Variants in ROCK1 observed in about 807,000 individuals in gnomAD.
ROCK1 encodes the protein rho-associated protein kinase 1.
Under a neutral mutation model 196.8 loss-of-function variants are expected in ROCK1, and 36 were observed. The observed-to-expected ratio is 0.18, with a 90% CI of 0.14 to 0.24. The LOEUF (loss-of-function observed/expected upper bound fraction) is 0.24. Among genes scored for constraint, ROCK1 ranks in the 10% least tolerant of loss-of-function variants. The pLI, the probability that ROCK1 is intolerant of heterozygous loss-of-function variation, is 1.00. For missense variants in ROCK1, 920 were observed against 1,562.0 expected, an observed-to-expected ratio of 0.59 and a Z score of 6.93; for synonymous variants, 443 against 515.9, an observed-to-expected ratio of 0.86 and a Z score of 1.91.
Position 21,033,706 on chromosome 18 carries a change from AG to A in ROCK1, c.1052-4772del, listed in dbSNP as rs1219247836. ...AATAAACAATATGAAAAGAAAATTA[AG>A]GGAACAATTCCATTTAAAATAATGT... On this transcript the variant is annotated intron_variant, in intron 9 of 32. Transcript: ENST00000399799. Among the ~76,000 whole-genome samples the A allele has an allele frequency of 2.0e-5, 3 of 151,830 alleles. No individual in the cohort carries two copies. The East Asian group carries it at 5.8e-4, about 30-fold the overall frequency.
At chr18:21,059,944 T>A (rs1334383415) in intron 2 of ROCK1, among the ~76,000 whole-genome samples, 1 of 152,212 alleles carries the variant, frequency 6.6e-6, no homozygotes, top group Admixed American at 6.5e-5. Flanking sequence ...ACCATTTTAT[T>A]GATGATTCCT....
chr18:20,970,173 A>G (rs879264797), intron 23 of ROCK1, 175 bp downstream of exon 23: 10 of 476,314 alleles, frequency 2.1e-5, no homozygotes, highest in Non-Finnish European at 3.3e-5. Context: ...AAGAATTTCA[A>G]TAATTAACAA....
In ROCK1 at chr18:20,979,845, C is replaced by A. The variant is rs1471474254; in HGVS notation, c.2654+65G>T. The A allele has an allele frequency of 4.8e-6, 7 of 1,473,450 alleles. No individual in the cohort carries two copies. In the Admixed American group the frequency reaches 1.5e-4, roughly 32 times the overall value. The allele number at this position is 1,473,450 out of a possible 1,614,324, so 91.3% of individuals were successfully genotyped here. A position where few individuals can be genotyped will look rare whatever the true frequency, so the allele number is the denominator to read the frequency against. On this transcript the variant is annotated intron_variant, in intron 22 of 32. Transcript: ENST00000399799. ...ACCAGAATAATGGCACATCTATTCA[C>A]TAACTTAAAACTTAAGAATGCCTGT...
intron 2 of ROCK1, among the ~76,000 whole-genome samples, chr18:21,055,469 T>G (rs540987359): frequency 6.6e-6 from 1 of 152,178 alleles, no homozygotes; most frequent in African/African-American, 2.4e-5. Flanking sequence ...TACCACTGAC[T>G]TACCACCACT....
chr18:21,086,735 T>C (rs1247533263), intron 1 of ROCK1, among the ~76,000 whole-genome samples: 1 of 147,256 alleles, frequency 6.8e-6, no homozygotes, highest in Non-Finnish European at 1.5e-5. Context: ...TTTTTTAAAA[T>C]GTCAAACCGA....
intron 9 of ROCK1, among the ~76,000 whole-genome samples, chr18:21,032,732 G>A (rs1340206677): frequency 6.0e-5 from 9 of 149,218 alleles, no homozygotes; most frequent in Non-Finnish European, 1.0e-4. Context: ...ATGTTGACCA[G>A]GCTGATCTCG....
intron 27 of ROCK1, among the ~76,000 whole-genome samples, chr18:20,965,111 C>G (rs2035360246): frequency 6.6e-6 from 1 of 152,156 alleles, no homozygotes; most frequent in Non-Finnish European, 1.5e-5. Flanking sequence ...GCAAGGTCGG[C>G]CAGGCGGGTG....
intron 16 of ROCK1, among the ~76,000 whole-genome samples, chr18:20,994,027 G>A (rs2035649510): frequency 6.6e-6 from 1 of 152,032 alleles, no homozygotes; most frequent in South Asian, 2.1e-4. Flanking sequence ...CCATATTTCA[G>A]GGTTTCTAAA....
intron 16 of ROCK1, among the ~76,000 whole-genome samples, chr18:20,994,183 A>C (rs535414377): frequency 6.6e-6 from 1 of 152,366 alleles, no homozygotes; most frequent in East Asian, 1.9e-4. Context: ...AAGTTCATGT[A>C]GGAGAAAGAA....
chr18:21,071,891 A>G (rs1319565953), intron 1 of ROCK1, among the ~76,000 whole-genome samples: 2 of 152,226 alleles, frequency 1.3e-5, no homozygotes, highest in African/African-American at 2.4e-5. Flanking sequence ...TGATTACAAC[A>G]CATAACAGAT....
chr18:21,101,172 A>C lies in ROCK1; in HGVS notation c.93+9646T>G, dbSNP rs1323192437. On this transcript the variant is annotated intron_variant, in intron 1 of 32. Coordinates refer to ENST00000399799, the MANE Select transcript of ROCK1 (RefSeq NM_005406.3). ...GTTGATATTAATATGTAAAAGTTCT[A>C]CTCTTAACAGAGGAATTACAGTTAA... Among the ~76,000 whole-genome samples, 4 of 152,186 alleles carry C rather than the reference A, an allele frequency of 2.6e-5. 1 individual carries two copies. Among genetic ancestry groups the C allele is most frequent in the African/African-American group, 9.7e-5 (4 of 41,444 alleles).
intron 18 of ROCK1, among the ~76,000 whole-genome samples, chr18:20,990,227 A>G (rs1281557942): frequency 1.3e-5 from 2 of 152,200 alleles, no homozygotes; most frequent in African/African-American, 4.8e-5. Flanking sequence ...TGGAAGTACA[A>G]AGAAATGAGA....
chr18:21,104,682 A>T (rs2036688769), intron 1 of ROCK1, among the ~76,000 whole-genome samples: 1 of 152,202 alleles, frequency 6.6e-6, no homozygotes, highest in African/African-American at 2.4e-5. Flanking sequence ...CTGTAGTGCA[A>T]GAGGGCCTAT....
intron 1 of ROCK1, among the ~76,000 whole-genome samples, chr18:21,088,759 C>T (rs1404483016): frequency 6.6e-6 from 1 of 151,996 alleles, no homozygotes; most frequent in East Asian, 1.9e-4. Context: ...GGAGTTTGGA[C>T]CCTTTTTGTC....
chr18:21,027,031 C>G (rs1188635895), intron 10 of ROCK1, among the ~76,000 whole-genome samples: 1 of 151,754 alleles, frequency 6.6e-6, no homozygotes, highest in African/African-American at 2.4e-5. Flanking sequence ...CTCCGCCCCC[C>G]AGGTTGAAGC....
intron 27 of ROCK1, among the ~76,000 whole-genome samples, chr18:20,961,987 T>C (rs1469173213): frequency 6.6e-6 from 1 of 152,076 alleles, no homozygotes; most frequent in African/African-American, 2.4e-5. Flanking sequence ...AGTTCCTTGG[T>C]AAGTTTTGTG....
At chr18:20,984,588 A>T (rs1180026825) in intron 19 of ROCK1, 53 bp from the exon 20 acceptor site, 3 of 1,385,624 alleles carry the variant, frequency 2.2e-6, no homozygotes, top group African/African-American at 1.5e-5. Flanking sequence ...AATTTATTAG[A>T]CATTATTTGA....
chr18:21,000,980 T>C (rs117433482), intron 16 of ROCK1, among the ~76,000 whole-genome samples: 2,884 of 152,316 alleles, frequency 0.019, 45 homozygotes, highest in Non-Finnish European at 0.032. Flanking sequence ...GAGTGCTATT[T>C]ACAATAGCCA....
intron 2 of ROCK1, among the ~76,000 whole-genome samples, chr18:21,069,076 C>G (rs1177921631): frequency 6.6e-6 from 1 of 152,094 alleles, no homozygotes; most frequent in Non-Finnish European, 1.5e-5. Flanking sequence ...CAAGTAGATA[C>G]AATCTAAACT....
Sources: gnomAD v4.1 joint callset for allele counts (sites outside exome capture counted in the v4.1 genomes callset) on GRCh38, gnomAD v4.1.1 for gene constraint, MANE v1.5 for transcripts, NCBI Gene and HGNC (gene_info 2026-07-23, HGNC 2026-07-21) for gene names.